Variants in TPO observed in about 807,000 individuals in gnomAD.
TPO encodes thyroid peroxidase.
Under a neutral mutation model 96.9 loss-of-function variants are expected in TPO, and 78 were observed. The observed-to-expected ratio is 0.81, with a 90% confidence interval of 0.67 to 0.97. The LOEUF (loss-of-function observed/expected upper bound fraction) is 0.97. TPO is among the 50% of genes least tolerant of loss of function. The pLI is 0.00. For missense variants in TPO, 1,252 were observed against 1,274.8 expected (o/e 0.98, Z 0.27); for synonymous variants, 547 against 538.0 (o/e 1.02, Z -0.23).
At chr2:1,455,537 C>G (rs752692292) in intron 6 of TPO, among the ~76,000 whole-genome samples, 2 of 152,192 alleles carry the variant, frequency 1.3e-5, no homozygotes, top group African/African-American at 2.4e-5. Flanking sequence ...GGAAGCTTGT[C>G]GTCTGCTCTC....
intron 1 of TPO, among the ~76,000 whole-genome samples, chr2:1,397,804 C>A (rs533712975): frequency 6.6e-6 from 1 of 152,126 alleles, no homozygotes; most frequent in Non-Finnish European, 1.5e-5. Flanking sequence ...GTGTGTTTTC[C>A]GATCCTCTCT....
chr2:1,526,691 C>A (rs1326266346), intron 15 of TPO, among the ~76,000 whole-genome samples: 3 of 81,466 alleles, frequency 3.7e-5, no homozygotes, highest in Admixed American at 1.3e-4. Flanking sequence ...CCCCAAATCC[C>A]CCCCCCACTG....
rs748083838 is a variant in TPO, at chr2:1,487,906, G to A, written c.1683G>A (p.Thr561=). The change falls in exon 10 of 17, where the codon ACG becomes ACA. Residue 561 remains threonine, a synonymous_variant. Transcript: ENST00000329066. The part of the protein sequence containing the change: ...VQDQLMNEEL[T]ERLFVLSNSS... ...ATCAGCTGATGAACGAGGAGCTGAC[G>A]GAAAGGCTCTTTGTGCTGTCCAATT... 2.5e-5 allele frequency: 40 copies of A among 1,614,184 alleles called. No individual in the cohort carries two copies. In the South Asian group the frequency reaches 3.1e-4, roughly 12 times the overall value.
At chr2:1,501,168 ATTTAC>A (rs1037733891) in intron 13 of TPO, among the ~76,000 whole-genome samples, 4 of 150,948 alleles carry the variant, frequency 2.6e-5, no homozygotes, top group South Asian at 2.1e-4. Flanking sequence ...ACCAGTACTA[ATTTAC>A]TTAGAGAAAT....
chr2:1,429,890 A>G (rs1664807019), intron 3 of TPO, among the ~76,000 whole-genome samples: 1 of 152,246 alleles, frequency 6.6e-6, no homozygotes, highest in Non-Finnish European at 1.5e-5. Context: ...GTATTTGGAA[A>G]TTATATTTAA....
rs370308587 is a variant in TPO, at chr2:1,467,396, G to T, written c.820-9690G>T. 2.0e-5 allele frequency among the ~76,000 whole-genome samples: 3 copies of T among 152,104 alleles called. No individual in the cohort carries two copies. The South Asian group carries it at 6.2e-4, about 32-fold the overall frequency. The stretch of plus-strand genomic sequence containing the variant: ...TGGGATTACAGGCATGAGCCACTGT[G>T]CCTGGCCCCGAAGAATTTTTTAATT... On this transcript the variant is annotated intron_variant, in intron 7 of 16. Transcript: ENST00000329066.
At chr2:1,484,490 C>A in intron 8 of TPO, 106 bp from the exon 9 acceptor site, 2 of 1,458,330 alleles carry the variant, frequency 1.4e-6, no homozygotes, top group Non-Finnish European at 1.9e-6. Context: ...CGAGAAGGGT[C>A]CAGTTCCCTG....
At chr2:1,514,230 G>A (rs1674452889) in intron 14 of TPO, among the ~76,000 whole-genome samples, 2 of 152,146 alleles carry the variant, frequency 1.3e-5, no homozygotes, top group African/African-American at 4.8e-5. Flanking sequence ...GCTCTACTGG[G>A]GCCCTGGAAG....
At chr2:1,482,675 G>A (rs1401096385) in intron 8 of TPO, among the ~76,000 whole-genome samples, 1 of 152,142 alleles carries the variant, frequency 6.6e-6, no homozygotes, top group Non-Finnish European at 1.5e-5. Context: ...AGGTTCAAGT[G>A]TTTTCTTTTT....
At chr2:1,540,901 T>G in intron 16 of TPO, 178 bp downstream of exon 16, 2 of 1,545,426 alleles carry the variant, frequency 1.3e-6, no homozygotes, top group South Asian at 2.4e-5. Flanking sequence ...TGAGCCAGAA[T>G]GTGAGCCTGC....
At chr2:1,451,349 T>C (rs1667283503) in intron 5 of TPO, among the ~76,000 whole-genome samples, 1 of 152,228 alleles carries the variant, frequency 6.6e-6, no homozygotes, top group South Asian at 2.1e-4. Context: ...GACTAATGTA[T>C]GTTATAACCA....
At chr2:1,496,340 T>TGAGGC in intron 12 of TPO, 143 bp downstream of exon 12, 1 of 499,416 alleles carries the variant, frequency 2.0e-6, no homozygotes, top group Admixed American at 2.4e-5. Flanking sequence ...GGGCAGCTCC[T>TGAGGC]GGGGCGGGGC....
chr2:1,524,081 G>A, intron 15 of TPO, among the ~76,000 whole-genome samples: 1 of 110,922 alleles, frequency 9.0e-6, no homozygotes, highest in African/African-American at 3.7e-5. Flanking sequence ...CTGCCACTGT[G>A]TGCAACCTCA....
At chr2:1,493,689 G>A in intron 10 of TPO, 113 bp from the exon 11 acceptor site, 1 of 1,272,620 alleles carries the variant, frequency 7.9e-7, no homozygotes, top group Non-Finnish European at 1.1e-6. Flanking sequence ...CACAGGGTGG[G>A]ACAGGACTCT....
At chr2:1,472,827 CAAA>C (rs34064729) in intron 7 of TPO, among the ~76,000 whole-genome samples, 16 of 48,336 alleles carry the variant, frequency 3.3e-4, no homozygotes, top group East Asian at 2.3e-3. Context: ...TGTTTGGCGG[CAAA>C]AAAAAAAAAA....
rs913039292 is a variant in TPO at position 1,503,778 on chromosome 2, T to G, written c.2387-170T>G. 16 of 1,257,184 alleles carry G rather than the reference T, an allele frequency of 1.3e-5. No individual in the cohort carries two copies. The African/African-American group carries it at 2.4e-4, about 19-fold the overall frequency. 77.9% of individuals were successfully genotyped at this position (1,257,184 alleles called of 1,614,324 possible). A position where few individuals can be genotyped will look rare whatever the true frequency, so the allele number is the denominator to read the frequency against. On this transcript the variant is annotated intron_variant, in intron 13 of 16. Coordinates refer to ENST00000329066, the MANE Select transcript of TPO (RefSeq NM_001206744.2). ...GCACATCTGTCTGCTCCTCATCACC[T>G]TTTCGGATGTGCCGGGAGCAGGGGG...
rs569441097 is a variant in TPO at position 1,507,916 on chromosome 2, A to G, written c.2518+3837A>G. On this transcript the variant is annotated intron_variant, in intron 14 of 16. Coordinates refer to ENST00000329066, the MANE Select transcript of TPO (RefSeq NM_001206744.2). ...GATTGCCCTGGCCAGAACTTCCAAC[A>G]CTATGTTGAATAGGAGTGGTGAGAG... Among the ~76,000 whole-genome samples, 16 of 152,272 alleles carry G rather than the reference A, an allele frequency of 1.1e-4. No homozygotes were observed. The South Asian group carries it at 3.1e-3, about 30-fold the overall frequency.
chr2:1,542,300 C>A, intron 16 of TPO, 121 bp from the exon 17 acceptor site: 3 of 1,344,854 alleles, frequency 2.2e-6, no homozygotes, highest in South Asian at 1.3e-5. Context: ...TGGCTCATCT[C>A]GCCAGCGGTC....
At chr2:1,398,175 C>A (rs1032442727) in intron 1 of TPO, among the ~76,000 whole-genome samples, 7 of 152,212 alleles carry the variant, frequency 4.6e-5, no homozygotes, top group Non-Finnish European at 8.8e-5. Context: ...GCCAGGGCTT[C>A]TGTCTTTTCC....
Sources: gnomAD v4.1 joint callset for allele counts (sites outside exome capture counted in the v4.1 genomes callset) on GRCh38, gnomAD v4.1.1 for gene constraint, MANE v1.5 for transcripts, NCBI Gene and HGNC (gene_info 2026-07-23, HGNC 2026-07-21) for gene names.